Variants in CLCN5 observed in about 807,000 individuals in gnomAD.
CLCN5 encodes the protein Cl-/H+ antiporter 5.
In CLCN5, 17 loss-of-function variants were observed where a neutral mutation model predicts 54.0. The ratio of observed to expected loss-of-function variants is 0.31; its 90% CI spans 0.22 to 0.47. The LOEUF (loss-of-function observed/expected upper bound fraction) is 0.47, where lower values mean the gene tolerates loss of function less well. CLCN5 is among the 20% of genes least tolerant of loss of function. The probability of loss-of-function intolerance (pLI) is 1.00; values close to 1 mark genes in which losing one functional copy is unlikely to be tolerated. For synonymous variants in CLCN5, 222 were observed against 233.0 expected, an observed-to-expected ratio of 0.95 and a Z score of 0.43; for missense variants, 448 against 646.7, an observed-to-expected ratio of 0.69 and a Z score of 3.33.
chrX:50,039,844 C>G (rs1281788482), intron 3 of CLCN5, among the ~76,000 whole-genome samples: 9 of 110,648 alleles, frequency 8.1e-5, no homozygotes, highest in African/African-American at 1.6e-4. Flanking sequence ...AGGCACACAC[C>G]ACCACGCCTG....
intron 3 of CLCN5, among the ~76,000 whole-genome samples, chrX:49,948,078 A>G (rs1319478352): frequency 1.8e-5 from 2 of 109,030 alleles, no homozygotes; most frequent in Admixed American, 2.0e-4. Context: ...AATTATGTCC[A>G]TATTCAGGGG....
At position 50,073,708 on chromosome X, in the gene CLCN5, A is replaced by T. The variant is rs370157316; in HGVS notation, c.415+1120A>T. On this transcript the variant is annotated intron_variant, in intron 6 of 14. Transcript: ENST00000376091. ...TTTTAAAAAATTGTCTAGGGCAGGG[A>T]TTGGCAAACTTCTGCTGTAAAGGAG... 4.8e-4 allele frequency among the ~76,000 whole-genome samples: 54 copies of T among 111,639 alleles called. No individual in the cohort carries two copies. The South Asian group carries it at 0.02, about 41-fold the overall frequency.
At chrX:50,078,385 T>C (rs1933531336) in intron 7 of CLCN5, among the ~76,000 whole-genome samples, 1 of 111,275 alleles carries the variant, frequency 9.0e-6, no homozygotes, top group South Asian at 3.8e-4. Flanking sequence ...TGCAAAACAA[T>C]GTACAAGGAG....
At chrX:50,003,279 G>A in intron 3 of CLCN5, 1 of 368,139 alleles carries the variant, frequency 2.7e-6, no homozygotes, top group Non-Finnish European at 5.4e-6. Context: ...CACATGGACA[G>A]GTACACCAAA....
intron 3 of CLCN5, among the ~76,000 whole-genome samples, chrX:49,945,779 CAG>C (rs1200177935): frequency 9.3e-5 from 9 of 96,260 alleles, no homozygotes; most frequent in Non-Finnish European, 1.9e-4. Context: ...TTTTTGGAGA[CAG>C]AGTCTTGCTC....
At chrX:50,058,443 T>A (rs1557189405) in intron 4 of CLCN5, among the ~76,000 whole-genome samples, 1 of 111,288 alleles carries the variant, frequency 9.0e-6, no homozygotes, top group East Asian at 2.8e-4. Context: ...TTTTCTTGTA[T>A]TTTAAGGGGT....
rs145670120 is a variant in CLCN5 at position 50,086,786 on chromosome X, C to T, written c.1473C>T (p.Gly491=). Reference sequence around the variant, plus strand: ...GTGAACTGCCTGACAGACCGGCTGGCGTGGGAGTCTACAGTGCAATGTGGC... The same window carrying T: ...GTGAACTGCCTGACAGACCGGCTGGTGTGGGAGTCTACAGTGCAATGTGGC... ...KGGELPDRPA[G]VGVYSAMWQL... is the part of the protein sequence containing the mutation. Residue 491 remains glycine, a synonymous_variant, in exon 11 of 15, where the codon GGC becomes GGT. Transcript: ENST00000376091. 2.5e-4 allele frequency: 300 copies of T among 1,208,660 alleles called. 1 individual carries two copies. The African/African-American group carries it at 4.7e-3, about 19-fold the overall frequency.
chrX:49,955,217 C>T (rs1011701719), intron 3 of CLCN5, among the ~76,000 whole-genome samples: 9 of 111,621 alleles, frequency 8.1e-5, no homozygotes, highest in Non-Finnish European at 1.7e-4. Flanking sequence ...CAGTGTCGAC[C>T]TCAGCCTCTT....
intron 3 of CLCN5, among the ~76,000 whole-genome samples, chrX:49,926,711 G>A (rs907108544): frequency 2.1e-4 from 24 of 111,928 alleles, no homozygotes; most frequent in Non-Finnish European, 3.8e-4. Context: ...GTATGTTCTA[G>A]GAAGGATTTT....
intron 3 of CLCN5, among the ~76,000 whole-genome samples, chrX:50,011,326 T>C (rs1930489914): frequency 8.9e-6 from 1 of 112,087 alleles, no homozygotes; most frequent in African/African-American, 3.2e-5. Context: ...ATAGCAGGGA[T>C]CAAAATGGAC....
chrX:50,044,906 A>G (rs1932344161), intron 4 of CLCN5, among the ~76,000 whole-genome samples: 1 of 111,286 alleles, frequency 9.0e-6, no homozygotes, highest in African/African-American at 3.3e-5. Context: ...ACCTGCTGTG[A>G]ACCAGGCTCT....
At chrX:50,000,104 T>C (rs1471439954) in intron 3 of CLCN5, among the ~76,000 whole-genome samples, 1 of 110,016 alleles carries the variant, frequency 9.1e-6, no homozygotes, top group Non-Finnish European at 1.9e-5. Context: ...TTAAATATGC[T>C]TCCCCAAACC....
At chrX:50,052,310 C>T (rs1305879460) in intron 4 of CLCN5, among the ~76,000 whole-genome samples, 1 of 111,785 alleles carries the variant, frequency 8.9e-6, no homozygotes. Context: ...TCTTCTTTAG[C>T]CTATTGTTAT....
intron 3 of CLCN5, among the ~76,000 whole-genome samples, chrX:49,951,061 C>T (rs782198767): frequency 9.0e-6 from 1 of 111,724 alleles, no homozygotes; most frequent in African/African-American, 3.2e-5. Context: ...TGGTAACCAC[C>T]CTTTTACTAT....
At chrX:49,994,264 G>A (rs782183683) in intron 3 of CLCN5, among the ~76,000 whole-genome samples, 1 of 111,169 alleles carries the variant, frequency 9.0e-6, no homozygotes, top group Non-Finnish European at 1.9e-5. Flanking sequence ...GAATTTGGAA[G>A]TTATTTGAGA....
rs1934328504 is a variant in CLCN5 at position 50,098,392 on chromosome X, T to C, written c.*6173T>C. ...TCCTGTTCTTACCTCTGCCCATTCA[T>C]TTCTGGCTATGGGAAAACTACCACC... On this transcript the variant is annotated 3_prime_UTR_variant, in exon 15 of 15. Transcript: ENST00000376091. The C allele has an allele frequency of 8.9e-6, 1 of 112,386 alleles. No individual in the cohort carries two copies. Among genetic ancestry groups the C allele is most frequent in the African/African-American group, 3.2e-5 (1 of 30,821 alleles). The allele number at this position is 112,386 out of a possible 1,213,427, so 9.3% of individuals were successfully genotyped here. A position where few individuals can be genotyped will look rare whatever the true frequency, so the allele number is the denominator to read the frequency against.
intron 7 of CLCN5, among the ~76,000 whole-genome samples, chrX:50,079,595 C>G (rs897993496): frequency 7.1e-5 from 8 of 112,157 alleles, no homozygotes; most frequent in African/African-American, 2.3e-4. Context: ...TATATTCTTT[C>G]TATTTTAAAA....
chrX:50,044,841 G>A (rs1259044222), intron 4 of CLCN5, among the ~76,000 whole-genome samples: 1 of 110,859 alleles, frequency 9.0e-6, no homozygotes, highest in Non-Finnish European at 1.9e-5. Flanking sequence ...TAACCTTATT[G>A]TCACTGTAAG....
At chrX:50,048,927 C>G (rs1557188028) in intron 4 of CLCN5, among the ~76,000 whole-genome samples, 1 of 110,975 alleles carries the variant, frequency 9.0e-6, no homozygotes, top group Non-Finnish European at 1.9e-5. Flanking sequence ...ATACATATAT[C>G]TATGAATATA....
Sources: gnomAD v4.1 joint callset for allele counts (sites outside exome capture counted in the v4.1 genomes callset) on GRCh38, gnomAD v4.1.1 for gene constraint, MANE v1.5 for transcripts, NCBI Gene and HGNC (gene_info 2026-07-23, HGNC 2026-07-21) for gene names.